FRMD5: variants seen among roughly 807,000 people sequenced by gnomAD.
FRMD5 encodes the protein FERM domain containing 5.
Under a neutral mutation model 69.0 loss-of-function variants are expected in FRMD5, and 20 were observed. That is an observed-to-expected ratio of 0.29 (90% CI 0.20 to 0.42). The LOEUF (loss-of-function observed/expected upper bound fraction) is 0.42. FRMD5 is among the 10% of genes least tolerant of loss of function. The probability of loss-of-function intolerance (pLI) is 1.00; values close to 1 mark genes in which losing one functional copy is unlikely to be tolerated. For synonymous variants in FRMD5, 271 were observed against 260.1 expected (o/e 1.04, Z -0.40); for missense variants, 595 against 708.6 (o/e 0.84, Z 1.82).
At chr15:43,989,030 A>G (rs1566882429) in intron 1 of FRMD5, 3 of 823,730 alleles carry the variant, frequency 3.6e-6, no homozygotes, top group South Asian at 2.6e-5. Context: ...TTTGTCAAGA[A>G]AGGGTGTAAC....
chr15:43,952,000 C>T (rs58867277), intron 1 of FRMD5, among the ~76,000 whole-genome samples: 1 of 123,782 alleles, frequency 8.1e-6, no homozygotes, highest in Admixed American at 7.9e-5. Context: ...GTGTGTGTGT[C>T]TGTGTGTGTG....
chr15:44,175,860 C>T (rs1377831878), intron 1 of FRMD5, among the ~76,000 whole-genome samples: 4 of 152,110 alleles, frequency 2.6e-5, no homozygotes, highest in African/African-American at 9.7e-5. Flanking sequence ...AACCACAAAG[C>T]ATTTTTTTAA....
chr15:43,965,236 T>C (rs1022671377), intron 1 of FRMD5, among the ~76,000 whole-genome samples: 3 of 152,246 alleles, frequency 2.0e-5, no homozygotes, highest in Non-Finnish European at 4.4e-5. Flanking sequence ...TACTGCATTC[T>C]ATCTCCTGAG....
intron 1 of FRMD5, among the ~76,000 whole-genome samples, chr15:44,144,413 C>T (rs573280292): frequency 1.3e-4 from 20 of 152,198 alleles, no homozygotes; most frequent in African/African-American, 4.8e-4. Context: ...TGGGTAGAGC[C>T]AAGGACACAG....
intron 1 of FRMD5, among the ~76,000 whole-genome samples, chr15:43,928,873 C>T (rs1179546168): frequency 6.6e-6 from 1 of 152,224 alleles, no homozygotes; most frequent in African/African-American, 2.4e-5. Flanking sequence ...CATTTATCTT[C>T]AGGACAAGTG....
At chr15:44,036,897 G>C (rs1891938305) in intron 1 of FRMD5, among the ~76,000 whole-genome samples, 1 of 152,102 alleles carries the variant, frequency 6.6e-6, no homozygotes, top group South Asian at 2.1e-4. Context: ...TTCTGGTAAA[G>C]GACTCTAATG....
At chr15:43,966,429 A>G (rs1216605165) in intron 1 of FRMD5, among the ~76,000 whole-genome samples, 2 of 152,128 alleles carry the variant, frequency 1.3e-5, no homozygotes, top group Admixed American at 1.3e-4. Context: ...GGATAGGAAA[A>G]AAGTAACAAT....
chr15:44,196,590 A>G (rs1198061947), upstream of FRMD5, among the ~76,000 whole-genome samples: 1 of 152,100 alleles, frequency 6.6e-6, no homozygotes, highest in Non-Finnish European at 1.5e-5. Context: ...TATAGGTATA[A>G]TGTGTAACAA....
intron 7 of FRMD5, among the ~76,000 whole-genome samples, chr15:43,897,338 T>C (rs1254260167): frequency 1.3e-5 from 2 of 151,496 alleles, no homozygotes; most frequent in African/African-American, 4.9e-5. Flanking sequence ...AAATACAAAA[T>C]TAGCTGGGCG....
intron 1 of FRMD5, among the ~76,000 whole-genome samples, chr15:44,161,499 T>C (rs1343036658): frequency 1.3e-5 from 2 of 152,202 alleles, no homozygotes; most frequent in Non-Finnish European, 2.9e-5. Context: ...AATATTAATA[T>C]CTGCAAGCAA....
chr15:43,907,186 C>T (rs553485500), intron 5 of FRMD5, among the ~76,000 whole-genome samples: 1 of 152,204 alleles, frequency 6.6e-6, no homozygotes, highest in East Asian at 1.9e-4. Context: ...ACAACCACTT[C>T]AGATGTGAAG....
intron 1 of FRMD5, chr15:43,989,777 T>A: frequency 2.0e-6 from 2 of 1,021,188 alleles, no homozygotes; most frequent in Non-Finnish European, 3.1e-6. Flanking sequence ...ACGGCCTGGA[T>A]GGCCACGTAC....
At chr15:44,173,520 T>C (rs566048055) in intron 1 of FRMD5, among the ~76,000 whole-genome samples, 179 of 151,902 alleles carry the variant, frequency 1.2e-3, no homozygotes, top group Admixed American at 1.2e-3. Context: ...GAAAAAAATA[T>C]ACATATTTTT....
intron 1 of FRMD5, among the ~76,000 whole-genome samples, chr15:44,025,264 T>C (rs141981374): frequency 4.7e-4 from 71 of 152,206 alleles, no homozygotes; most frequent in African/African-American, 1.7e-3. Context: ...TAAATGCTAT[T>C]GGAATGTAGA....
chr15:44,083,150 C>T (rs950461549), intron 1 of FRMD5, among the ~76,000 whole-genome samples: 3 of 151,920 alleles, frequency 2.0e-5, no homozygotes, highest in African/African-American at 7.2e-5. Flanking sequence ...ATATAAATAT[C>T]ACAGGATATT....
At chr15:44,071,230 T>G (rs559428269) in intron 1 of FRMD5, among the ~76,000 whole-genome samples, 26 of 152,240 alleles carry the variant, frequency 1.7e-4, no homozygotes, top group African/African-American at 6.3e-4. Flanking sequence ...TTCCTCTGAG[T>G]ACACCCTAGC....
chr15:44,143,342 CT>C (rs779786999), intron 1 of FRMD5, among the ~76,000 whole-genome samples: 77 of 152,100 alleles, frequency 5.1e-4, no homozygotes, highest in Non-Finnish European at 9.1e-4. Flanking sequence ...ACCTAAGAGA[CT>C]TACTTCTATC....
At chr15:44,057,177 T>G (rs1361767073) in intron 1 of FRMD5, among the ~76,000 whole-genome samples, 1 of 150,810 alleles carries the variant, frequency 6.6e-6, no homozygotes, top group Non-Finnish European at 1.5e-5. Flanking sequence ...CAGGCTGGAG[T>G]GCAGTGACAC....
chr15:44,191,661 C>T (rs2078195528), intron 1 of FRMD5, among the ~76,000 whole-genome samples: 1 of 151,566 alleles, frequency 6.6e-6, no homozygotes, highest in South Asian at 2.1e-4. Context: ...GTAGTCCCAA[C>T]TACTTGGGAG....
Sources: gnomAD v4.1 joint callset for allele counts (sites outside exome capture counted in the v4.1 genomes callset) on GRCh38, gnomAD v4.1.1 for gene constraint, MANE v1.5 for transcripts, NCBI Gene and HGNC (gene_info 2026-07-23, HGNC 2026-07-21) for gene names.